The following CASZ1 variants were observed in gnomAD, a reference collection of about 807,000 sequenced individuals.
The protein encoded by CASZ1 is castor zinc finger 1, also known as zinc finger protein castor homolog 1.
In CASZ1, 28 loss-of-function variants were observed where a neutral mutation model predicts 135.2. The ratio of observed to expected loss-of-function variants is 0.21; its 90% CI spans 0.15 to 0.28. CASZ1 has a LOEUF of 0.28. CASZ1 is among the 10% of genes least tolerant of loss of function. The probability of loss-of-function intolerance (pLI) is 1.00; values close to 1 mark genes in which losing one functional copy is unlikely to be tolerated. For missense variants in CASZ1, 2,161 were observed against 2,453.3 expected (o/e 0.88, Z 2.52); for synonymous variants, 1,068 against 1,073.4 (o/e 0.99, Z 0.10).
chr1:10,722,271 C>G (rs1639511062), intron 2 of CASZ1, among the ~76,000 whole-genome samples: 1 of 152,196 alleles, frequency 6.6e-6, no homozygotes, highest in East Asian at 1.9e-4. Flanking sequence ...ACCCCATTCT[C>G]AAACGCCAAG....
intron 1 of CASZ1, among the ~76,000 whole-genome samples, chr1:10,772,310 A>T (rs1030757819): frequency 1.3e-5 from 2 of 152,188 alleles, no homozygotes; most frequent in African/African-American, 2.4e-5. Flanking sequence ...CCAGAGGGCT[A>T]GACCCAGGCC....
intron 8 of CASZ1, 120 bp from the exon 9 acceptor site, chr1:10,655,933 T>C: frequency 1.0e-6 from 1 of 1,003,924 alleles, no homozygotes; most frequent in Non-Finnish European, 1.5e-6. Flanking sequence ...GAACCCTGCT[T>C]GGGGTCAAGG....
At chr1:10,653,121 G>A in intron 11 of CASZ1, 3 of 568,790 alleles carry the variant, frequency 5.3e-6, no homozygotes, top group South Asian at 3.7e-5. Flanking sequence ...AGCCGAGGAG[G>A]CAGGGACCAT....
intron 2 of CASZ1, among the ~76,000 whole-genome samples, chr1:10,722,045 T>TG: frequency 6.6e-6 from 1 of 152,220 alleles, no homozygotes; most frequent in East Asian, 1.9e-4. Context: ...CAGGCATCTA[T>TG]GGAAACGTTG....
intron 1 of CASZ1, among the ~76,000 whole-genome samples, chr1:10,768,209 T>C (rs1053214975): frequency 6.3e-5 from 9 of 143,388 alleles, no homozygotes; most frequent in South Asian, 2.1e-4. Context: ...ATTGTTCGTT[T>C]GTTTGTTTGT....
chr1:10,752,400 C>G (rs1008286343), intron 2 of CASZ1, among the ~76,000 whole-genome samples: 1 of 152,196 alleles, frequency 6.6e-6, no homozygotes, highest in Admixed American at 6.5e-5. Flanking sequence ...GGAAGGCGGT[C>G]CTGGGGAATT....
chr1:10,680,618 C>T (rs571854511), intron 4 of CASZ1, among the ~76,000 whole-genome samples: 1 of 152,282 alleles, frequency 6.6e-6, no homozygotes, highest in Admixed American at 6.5e-5. Flanking sequence ...TGGAGGAGGG[C>T]GTCCAAGAGG....
chr1:10,780,531 C>A (rs1185946045), intron 1 of CASZ1, among the ~76,000 whole-genome samples: 5 of 152,122 alleles, frequency 3.3e-5, no homozygotes, highest in African/African-American at 1.2e-4. Context: ...AAACCATATT[C>A]TTTTATGATT....
intron 2 of CASZ1, among the ~76,000 whole-genome samples, chr1:10,753,296 T>C (rs1570560941): frequency 1.3e-5 from 2 of 152,318 alleles, no homozygotes; most frequent in African/African-American, 4.8e-5. Flanking sequence ...TGGAGGTCCC[T>C]GTCCGTCTCA....
chr1:10,692,139 A>C (rs1227666827), intron 4 of CASZ1, among the ~76,000 whole-genome samples: 1 of 152,208 alleles, frequency 6.6e-6, no homozygotes, highest in African/African-American at 2.4e-5. Context: ...CGCTCCAGTC[A>C]GGACACCCTA....
rs1434621103 is a variant in CASZ1 at position 10,649,326 on chromosome 1, C to G, written c.2992G>C (p.Val998Leu). Residue 998 changes from valine (V) to leucine (L), a missense_variant, in exon 14 of 21, where the codon GTT (valine) becomes CTT (leucine). Coordinates refer to ENST00000377022, the MANE Select transcript of CASZ1 (RefSeq NM_001079843.3). ...CAGGGCTCTGCCAACTTCTCCTGAA[C>G]CAGCGCCTTCACGGCCTTGCCTAGG... ...PFLGKAVKAL[V>L]QEKLAEPWKV... is the part of the protein sequence containing the mutation. 9.4e-6 allele frequency: 15 copies of G among 1,596,808 alleles called. No individual in the cohort carries two copies. The highest frequency in any genetic ancestry group is 1.2e-5 in the Non-Finnish European group (14 of 1,171,874).
rs1302893125 is a variant in CASZ1, at chr1:10,647,702, C to T, written c.3497+99G>A. ...CCCAGAGAGGCTGGGGACAGCAGCA[C>T]CATCCGCAGTGAGGAACAGGGCCTC... On this transcript the variant is annotated intron_variant, in intron 16 of 20. Coordinates refer to ENST00000377022, the MANE Select transcript of CASZ1 (RefSeq NM_001079843.3). This position sits in a 1 kb window ranked among gnomAD's most constrained non-coding sequence, Gnocchi z 4.9. 3 of 1,566,228 alleles carry T rather than the reference C, an allele frequency of 1.9e-6. No homozygotes were observed. Among genetic ancestry groups the T allele is most frequent in the Non-Finnish European group, 1.7e-6 (2 of 1,163,608 alleles).
rs1267867757 is a variant in CASZ1, at chr1:10,726,112, T to C, written c.-76-20568A>G. ...CCTATACTATCACCACCACCACTACTACCAGTACTACTACTACTGCTGCTA... is the reference window on the plus strand; with the variant it reads ...CCTATACTATCACCACCACCACTACCACCAGTACTACTACTACTGCTGCTA... On this transcript the variant is annotated intron_variant, in intron 2 of 20. Coordinates refer to ENST00000377022, the MANE Select transcript of CASZ1 (RefSeq NM_001079843.3). The surrounding 1 kb of genome is among the most constrained non-coding windows in gnomAD (Gnocchi z 5.7). Among the ~76,000 whole-genome samples the C allele has an allele frequency of 3.3e-5, 5 of 152,328 alleles. No homozygotes were observed. The highest frequency in any genetic ancestry group is 9.6e-5 in the African/African-American group (4 of 41,570).
At position 10,706,529 on chromosome 1, in the gene CASZ1, T is replaced by C. The variant is rs192470728; in HGVS notation, c.-76-985A>G. Among the ~76,000 whole-genome samples the C allele has an allele frequency of 2.6e-5, 4 of 152,304 alleles. No homozygotes were observed. The East Asian group carries it at 7.7e-4, about 29-fold the overall frequency. On this transcript the variant is annotated intron_variant, in intron 2 of 20. Coordinates refer to ENST00000377022, the MANE Select transcript of CASZ1 (RefSeq NM_001079843.3). This position sits in a 1 kb window ranked among gnomAD's most constrained non-coding sequence, Gnocchi z 4.3. ...TAGGCTATGTAATCCCCAAATCAGATTGGGGGGATTGTGGGAGATGAGGTG... is the reference window on the plus strand; with the variant it reads ...TAGGCTATGTAATCCCCAAATCAGACTGGGGGGATTGTGGGAGATGAGGTG...
intron 4 of CASZ1, among the ~76,000 whole-genome samples, chr1:10,673,502 C>T (rs1557494116): frequency 6.6e-6 from 1 of 152,052 alleles, no homozygotes. Flanking sequence ...CTCACGCTGC[C>T]TCTCTCCTGC....
Position 10,636,877 on chromosome 1 carries a change from T to C in CASZ1, c.*2065A>G, listed in dbSNP as rs1178322390. 1.3e-5 allele frequency: 2 copies of C among 151,920 alleles called. No homozygotes were observed. The highest frequency in any genetic ancestry group is 4.8e-5 in the African/African-American group (2 of 41,342). The allele number at this position is 151,920 out of a possible 1,614,324, so 9.4% of individuals were successfully genotyped here. On this transcript the variant is annotated 3_prime_UTR_variant, in exon 21 of 21. Transcript: ENST00000377022. ...ATATATCTATATATGTATATACATA[T>C]AGATATATACACACACATATGTGCA... is the stretch of plus-strand genomic sequence containing the variant.
intron 1 of CASZ1, among the ~76,000 whole-genome samples, chr1:10,765,707 C>T (rs1028258316): frequency 6.6e-6 from 1 of 152,156 alleles, no homozygotes; most frequent in South Asian, 2.1e-4. Context: ...GGGGCAAGAA[C>T]GCAGCTCAAG....
chr1:10,660,626 G>C (rs1239693071), intron 5 of CASZ1, 90 bp from the exon 6 acceptor site: 2 of 1,056,930 alleles, frequency 1.9e-6, no homozygotes, highest in Non-Finnish European at 2.8e-6. Flanking sequence ...CATAGAGGGA[G>C]GGGGTCAGTG....
intron 1 of CASZ1, among the ~76,000 whole-genome samples, chr1:10,764,841 G>A (rs982686556): frequency 6.6e-6 from 1 of 152,184 alleles, no homozygotes; most frequent in African/African-American, 2.4e-5. Context: ...GGGAAAGCGA[G>A]GCCCATGGTA....
Sources: allele counts gnomAD v4.1 joint callset (sites outside exome capture counted in the v4.1 genomes callset), GRCh38; gene constraint gnomAD v4.1.1; non-coding constraint Gnocchi (gnomAD v3.1); transcripts MANE v1.5; gene names NCBI Gene and HGNC (gene_info 2026-07-23, HGNC 2026-07-21).